PTPRD: variants seen among roughly 807,000 people sequenced by gnomAD.
PTPRD encodes protein tyrosine phosphatase receptor type D.
PTPRD carries 34 observed loss-of-function variants against 214.5 expected under a neutral mutation model. That is an observed-to-expected ratio of 0.16 (90% CI 0.12 to 0.21). PTPRD has a LOEUF of 0.21. Ranked by LOEUF, PTPRD falls within the 10% of genes least tolerant of loss-of-function variation. PTPRD has a pLI of 1.00. For missense variants in PTPRD, 2,545 were observed against 2,398.7 expected (o/e 1.06, Z -1.27); for synonymous variants, 1,128 against 845.7 (o/e 1.33, Z -5.79).
chr9:10,470,648 T>C (rs2099024378), intron 2 of PTPRD, among the ~76,000 whole-genome samples: 1 of 152,098 alleles, frequency 6.6e-6, no homozygotes, highest in African/African-American at 2.4e-5. Context: ...TAACAACATT[T>C]TTGGCTTTAC....
intron 34 of PTPRD, among the ~76,000 whole-genome samples, chr9:8,447,610 A>G (rs2095785548): frequency 6.6e-6 from 1 of 152,122 alleles, no homozygotes; most frequent in Non-Finnish European, 1.5e-5. Context: ...GCACCTCTTA[A>G]TCATTCTCTC....
chr9:8,331,805 C>G (rs1841449387), intron 43 of PTPRD, 69 bp from the exon 44 acceptor site: 1 of 1,474,416 alleles, frequency 6.8e-7, no homozygotes, highest in South Asian at 1.4e-5. Context: ...GCATACGGAC[C>G]ACAAGAACAA....
At chr9:8,878,048 A>C (rs1004397149) in intron 11 of PTPRD, among the ~76,000 whole-genome samples, 1 of 152,136 alleles carries the variant, frequency 6.6e-6, no homozygotes, top group Non-Finnish European at 1.5e-5. Flanking sequence ...CACTTTATAT[A>C]ATTGAGTTTG....
intron 14 of PTPRD, among the ~76,000 whole-genome samples, chr9:8,553,978 G>T (rs1262393033): frequency 6.6e-6 from 1 of 152,044 alleles, no homozygotes; most frequent in Non-Finnish European, 1.5e-5. Context: ...CACGAGGTCA[G>T]GAGTTCGAGA....
intron 3 of PTPRD, among the ~76,000 whole-genome samples, chr9:10,224,219 G>C (rs908948833): frequency 1.3e-5 from 2 of 151,812 alleles, no homozygotes; most frequent in African/African-American, 4.8e-5. Context: ...TTTAAAATAA[G>C]ATAGTATATA....
intron 11 of PTPRD, among the ~76,000 whole-genome samples, chr9:8,751,985 G>A (rs10977277): frequency 0.41 from 61,657 of 152,036 alleles, 15,143 homozygotes; most frequent in South Asian, 0.54. Flanking sequence ...CGTTGTGTGC[G>A]TCTGACCCTG....
At chr9:9,853,439 G>A (rs2153670445) in intron 5 of PTPRD, among the ~76,000 whole-genome samples, 1 of 152,316 alleles carries the variant, frequency 6.6e-6, no homozygotes, top group South Asian at 2.1e-4. Context: ...TTGACTCACA[G>A]ACAATATATA....
chr9:8,779,426 G>A (rs1363584704), intron 11 of PTPRD, among the ~76,000 whole-genome samples: 4 of 152,140 alleles, frequency 2.6e-5, no homozygotes, highest in Admixed American at 6.5e-5. Flanking sequence ...GAGGTGGGGC[G>A]GGGCTTCAAT....
chr9:10,174,611 A>G lies in PTPRD; in HGVS notation c.-544-140821T>C, dbSNP rs533264120. On this transcript the variant is annotated intron_variant, in intron 3 of 45. Coordinates refer to ENST00000381196, the MANE Select transcript of PTPRD (RefSeq NM_002839.4). ...TTTTTTTTTCCTAGCTTTCTTTCCA[A>G]AGATTTGGAATTTAAATTTTTTTAC... Among the ~76,000 whole-genome samples, 9 of 152,178 alleles carry G rather than the reference A, an allele frequency of 5.9e-5. No homozygotes were observed. The East Asian group carries it at 1.7e-3, about 29-fold the overall frequency.
chr9:8,625,512 A>C (rs1014064324), intron 14 of PTPRD, among the ~76,000 whole-genome samples: 3 of 151,772 alleles, frequency 2.0e-5, no homozygotes, highest in Non-Finnish European at 2.9e-5. Flanking sequence ...TCATTTTTTT[A>C]ATAGCTCTTT....
chr9:8,741,359 G>A (rs2091877036), intron 11 of PTPRD, among the ~76,000 whole-genome samples: 1 of 152,022 alleles, frequency 6.6e-6, no homozygotes, highest in African/African-American at 2.4e-5. Flanking sequence ...CTAGTTTTAT[G>A]TGATGCCAGT....
chr9:8,469,199 A>G (rs946146588), intron 31 of PTPRD, among the ~76,000 whole-genome samples: 32 of 152,144 alleles, frequency 2.1e-4, no homozygotes, highest in Middle Eastern at 3.4e-3. Context: ...TAATTGCAAG[A>G]AAGTTCAAAG....
chr9:9,716,872 A>G (rs1403650149), intron 7 of PTPRD, among the ~76,000 whole-genome samples: 2 of 151,862 alleles, frequency 1.3e-5, no homozygotes, highest in African/African-American at 2.4e-5. Flanking sequence ...CCATTTGTCA[A>G]TTTTGGCTTT....
At position 9,303,167 on chromosome 9, in the gene PTPRD, G is replaced by A. The variant is rs575618902; in HGVS notation, c.-203+94282C>T. 3.1e-4 allele frequency among the ~76,000 whole-genome samples: 47 copies of A among 151,922 alleles called. 1 individual carries two copies. The South Asian group carries it at 9.1e-3, about 29-fold the overall frequency. On this transcript the variant is annotated intron_variant, in intron 9 of 45. Transcript: ENST00000381196. ...AATGAAGCCAAACTACAACATATTC[G>A]CAATGCAAACAGACTTTCTTTGCCT... is the stretch of plus-strand genomic sequence containing the variant.
intron 8 of PTPRD, among the ~76,000 whole-genome samples, chr9:9,554,196 C>A (rs367586627): frequency 6.6e-6 from 1 of 152,038 alleles, no homozygotes; most frequent in Non-Finnish European, 1.5e-5. Flanking sequence ...ATGGAAAACA[C>A]TATCAAGTAA....
At chr9:9,703,312 A>G (rs2097537362) in intron 7 of PTPRD, among the ~76,000 whole-genome samples, 1 of 152,076 alleles carries the variant, frequency 6.6e-6, no homozygotes, top group Non-Finnish European at 1.5e-5. Context: ...AAATTACCCA[A>G]TCTCAGGTAT....
At chr9:8,613,352 T>C (rs1024232841) in intron 14 of PTPRD, among the ~76,000 whole-genome samples, 1 of 152,170 alleles carries the variant, frequency 6.6e-6, no homozygotes, top group Admixed American at 6.5e-5. Context: ...CTGACATTAA[T>C]GCTAAGGGTG....
chr9:9,118,383 G>C (rs1425109479), intron 10 of PTPRD, among the ~76,000 whole-genome samples: 1 of 152,132 alleles, frequency 6.6e-6, no homozygotes, highest in African/African-American at 2.4e-5. Flanking sequence ...ATTTTCTGCA[G>C]AAGTTATAGT....
intron 2 of PTPRD, among the ~76,000 whole-genome samples, chr9:10,443,588 T>C (rs2098776336): frequency 1.3e-5 from 2 of 151,738 alleles, no homozygotes; most frequent in Admixed American, 6.6e-5. Context: ...TATACCTTAA[T>C]GTTACATTAC....
Sources: allele counts gnomAD v4.1 joint callset (sites outside exome capture counted in the v4.1 genomes callset), GRCh38; gene constraint gnomAD v4.1.1; transcripts MANE v1.5; gene names NCBI Gene and HGNC (gene_info 2026-07-23, HGNC 2026-07-21).